TRPV3: variants seen among roughly 807,000 people sequenced by gnomAD.
TRPV3 encodes transient receptor potential cation channel subfamily V member 3.
A neutral mutation model predicts 87.1 loss-of-function variants in TRPV3; 88 were observed. The ratio of observed to expected loss-of-function variants is 1.01; its 90% CI spans 0.85 to 1.21. The LOEUF (loss-of-function observed/expected upper bound fraction) is 1.21. Ranked by LOEUF, TRPV3 falls within the 50% of genes most tolerant of loss-of-function variation. The pLI is 0.00. For synonymous variants in TRPV3, 438 were observed against 423.3 expected (o/e 1.03, Z -0.43); for missense variants, 1,054 against 1,030.1 (o/e 1.02, Z -0.32).
At chr17:3,522,770 T>C (rs2074259367) in intron 13 of TRPV3, among the ~76,000 whole-genome samples, 2 of 150,496 alleles carry the variant, frequency 1.3e-5, no homozygotes, top group Admixed American at 6.6e-5. Context: ...TGAGCCGAGA[T>C]TGCACTATTG....
chr17:3,556,307 G>A lies in TRPV3; in HGVS notation c.-3+1369C>T, dbSNP rs71360947. 6.6e-6 allele frequency among the ~76,000 whole-genome samples: 1 copy of A among 152,058 alleles called. No individual in the cohort carries two copies. The highest frequency in any genetic ancestry group is 2.4e-5 in the African/African-American group (1 of 41,394). On this transcript the variant is annotated intron_variant, in intron 1 of 17. Transcript: ENST00000576742. The surrounding 1 kb of genome is among the most constrained non-coding windows in gnomAD (Gnocchi z 4.2). Reference sequence around the variant, plus strand: ...ACATAGGAGAGCGCGGGCTGCGTTGGGGGGTGGGGGAGACCAGAAGCCAGG... The same window carrying A: ...ACATAGGAGAGCGCGGGCTGCGTTGAGGGGTGGGGGAGACCAGAAGCCAGG...
chr17:3,555,396 A>G (rs2074617739), intron 1 of TRPV3, among the ~76,000 whole-genome samples: 1 of 152,182 alleles, frequency 6.6e-6, no homozygotes, highest in African/African-American at 2.4e-5. Context: ...CTAGTAACAC[A>G]GCCTTAAGCT....
rs1332543717 is a variant in TRPV3 at position 3,532,773 on chromosome 17, C to T, written c.949G>A (p.Val317Met). ...AEDFKTQNDF[V>M]KRMYDMILLR... ...AGGATCATGTCGTACATGCGCTTCA[C>T]AAAGTCATTCTGCGTCTTGAAGTCC... The change falls in exon 8 of 18, where the codon GTG becomes ATG. Residue 317 changes from valine to methionine, a missense_variant. Coordinates refer to ENST00000576742, the MANE Select transcript of TRPV3 (RefSeq NM_145068.4). 1.2e-6 allele frequency: 2 copies of T among 1,614,280 alleles called. No individual in the cohort carries two copies. The highest frequency in any genetic ancestry group is 1.7e-6 in the Non-Finnish European group (2 of 1,180,048).
intron 13 of TRPV3, among the ~76,000 whole-genome samples, chr17:3,522,441 T>G (rs1390934599): frequency 1.3e-5 from 2 of 152,330 alleles, no homozygotes; most frequent in African/African-American, 4.8e-5. Flanking sequence ...TATTACAGTA[T>G]ATTGTTATCA....
chr17:3,514,510 G>A, intron 17 of TRPV3, 83 bp downstream of exon 17: 1 of 980,080 alleles, frequency 1.0e-6, no homozygotes, highest in Non-Finnish European at 1.6e-6. Flanking sequence ...GATGGGGAAA[G>A]TCAGGACCCT....
At chr17:3,535,074 C>T (rs1037153843) in intron 7 of TRPV3, among the ~76,000 whole-genome samples, 2 of 151,994 alleles carry the variant, frequency 1.3e-5, no homozygotes, top group Admixed American at 6.5e-5. Flanking sequence ...CCCTCTGGGG[C>T]ACCAGAGCTT....
chr17:3,524,112 C>G (rs927010150), intron 13 of TRPV3, 86 bp downstream of exon 13: 1 of 1,538,764 alleles, frequency 6.5e-7, no homozygotes, highest in Non-Finnish European at 8.8e-7. Flanking sequence ...CTTGGTAAAC[C>G]CCTCTTCCTC....
intron 2 of TRPV3, among the ~76,000 whole-genome samples, chr17:3,549,204 C>T (rs1461133334): frequency 6.6e-6 from 1 of 152,186 alleles, no homozygotes; most frequent in Non-Finnish European, 1.5e-5. Context: ...CCCTGCTCCC[C>T]ATCCCGCCCT....
chr17:3,529,850 C>A (rs1157526712), intron 9 of TRPV3, among the ~76,000 whole-genome samples, 177 bp downstream of exon 9: 1 of 150,100 alleles, frequency 6.7e-6, no homozygotes, highest in Non-Finnish European at 1.5e-5. Flanking sequence ...GGCCCAGCAT[C>A]TGTCCCAGGC....
At chr17:3,544,501 G>T (rs1267516557) in intron 4 of TRPV3, 78 bp downstream of exon 4, 5 of 875,724 alleles carry the variant, frequency 5.7e-6, no homozygotes, top group Admixed American at 2.7e-5. Flanking sequence ...TCTCCTTCCT[G>T]CAGGGCCCCG....
rs1055371395 is a variant in TRPV3, at chr17:3,530,302, C to T, written c.1066-99G>A. 1.6e-4 allele frequency: 196 copies of T among 1,228,806 alleles called. No individual in the cohort carries two copies. Among genetic ancestry groups the T allele is most frequent in the African/African-American group, 2.0e-4 (13 of 65,612 alleles). 76.1% of individuals were successfully genotyped at this position (1,228,806 alleles called of 1,614,324 possible). ...GCTGGCTGGGCCCAGGGGATACACCCGCCCAGAATGGGTGGAGACCTGCCT... is the reference window on the plus strand; with the variant it reads ...GCTGGCTGGGCCCAGGGGATACACCTGCCCAGAATGGGTGGAGACCTGCCT... On this transcript the variant is annotated intron_variant, in intron 8 of 17. Coordinates refer to ENST00000576742, the MANE Select transcript of TRPV3 (RefSeq NM_145068.4). This position sits in a 1 kb window ranked among gnomAD's most constrained non-coding sequence, Gnocchi z 4.0.
At chr17:3,539,172 C>T (rs138560045) in intron 6 of TRPV3, among the ~76,000 whole-genome samples, 2 of 151,932 alleles carry the variant, frequency 1.3e-5, no homozygotes, top group East Asian at 1.9e-4. Flanking sequence ...AAAAAACCAA[C>T]TTGTAGAATA....
At position 3,512,914 on chromosome 17, in the gene TRPV3, T is replaced by A. The variant is rs1331369699; in HGVS notation, c.*1003A>T. 1.3e-5 allele frequency: 2 copies of A among 152,244 alleles called. No individual in the cohort carries two copies. The highest frequency in any genetic ancestry group is 2.9e-5 in the Non-Finnish European group (2 of 68,010). The allele number at this position is 152,244 out of a possible 1,614,324, so 9.4% of individuals were successfully genotyped here. The stretch of plus-strand genomic sequence containing the variant: ...TGCGACTAACTGCTGAGTTCCAAGA[T>A]GATATCGATCGAGCAGCTGCTATTT... On this transcript the variant is annotated 3_prime_UTR_variant, in exon 18 of 18. Transcript: ENST00000576742.
intron 6 of TRPV3, among the ~76,000 whole-genome samples, chr17:3,538,111 T>C (rs995338739): frequency 6.7e-6 from 1 of 149,886 alleles, no homozygotes; most frequent in Non-Finnish European, 1.5e-5. Flanking sequence ...GGCAGGAGAA[T>C]GGTGTGAACC....
Position 3,533,015 on chromosome 17 carries a change from A to C in TRPV3, c.785-78T>G, listed in dbSNP as rs537180038. On this transcript the variant is annotated intron_variant, in intron 7 of 17. Coordinates refer to ENST00000576742, the MANE Select transcript of TRPV3 (RefSeq NM_145068.4). ...CCCCCAAGCCCCAGGACTGGGGCCC[A>C]TATCCTATCTCAGCAGGATGGGCAC... The C allele has an allele frequency of 5.7e-4, 876 of 1,528,774 alleles. 8 individuals are homozygous for C. The highest frequency in any genetic ancestry group is 5.5e-3 in the South Asian group (461 of 84,392). The allele number at this position is 1,528,774 out of a possible 1,614,324, so 94.7% of individuals were successfully genotyped here. A position where few individuals can be genotyped will look rare whatever the true frequency, so the allele number is the denominator to read the frequency against.
Position 3,542,530 on chromosome 17 carries a change from GCCT to G in TRPV3, c.632_634del (p.Glu211del). Reference sequence around the variant, plus strand: ...CTCTGCAGGCAGGATACCTTCATAGGCCTCCTCTGTGTACTCGGCGTTGATGAA... The same window carrying G: ...CTCTGCAGGCAGGATACCTTCATAGGCCTCTGTGTACTCGGCGTTGATGAA... On this transcript the variant is annotated inframe_deletion, in exon 6 of 18. Transcript: ENST00000576742. 6.2e-7 allele frequency: 1 copy of G among 1,613,618 alleles called. No homozygotes were observed. The highest frequency in any genetic ancestry group is 8.5e-7 in the Non-Finnish European group (1 of 1,179,716).
Position 3,542,526 on chromosome 17 carries a change from A to T in TRPV3, c.639T>A (p.Tyr213Ter). ...GCCCCTCTGCAGGCAGGATACCTTCATAGGCCTCCTCTGTGTACTCGGCGT... is the reference window on the plus strand; with the variant it reads ...GCCCCTCTGCAGGCAGGATACCTTCTTAGGCCTCCTCTGTGTACTCGGCGT... ...FINAEYTEEA[Y>*]EGQTALNIAI... The change falls in exon 6 of 18, where the codon TAT becomes TAA. Residue 213 changes from tyrosine (Y) to a stop codon, truncating the protein, a stop_gained. Transcript: ENST00000576742. LOFTEE classifies it high-confidence loss of function. 6.2e-7 allele frequency: 1 copy of T among 1,613,382 alleles called. No homozygotes were observed. The highest frequency in any genetic ancestry group is 8.5e-7 in the Non-Finnish European group (1 of 1,179,590).
chr17:3,542,459 C>T (rs1427103067), intron 6 of TRPV3, 63 bp downstream of exon 6: 63 of 1,560,430 alleles, frequency 4.0e-5, no homozygotes, highest in Non-Finnish European at 1.7e-6. Flanking sequence ...AGCAGTGGCC[C>T]TGTGGCCCCA....
In TRPV3 at chr17:3,533,655, C is replaced by T. The variant is rs550701016; in HGVS notation, c.785-718G>A. The stretch of plus-strand genomic sequence containing the variant: ...CTGGGACTACAGGCGCCCGCCACCA[C>T]GCCCGGCTAATTTTTGTATTTTTAG... On this transcript the variant is annotated intron_variant, in intron 7 of 17. Transcript: ENST00000576742. 1.4e-3 allele frequency among the ~76,000 whole-genome samples: 213 copies of T among 152,114 alleles called. 2 individuals are homozygous for T. The highest frequency in any genetic ancestry group is 4.5e-3 in the African/African-American group (187 of 41,502).
Sources: gnomAD v4.1 joint callset for allele counts (sites outside exome capture counted in the v4.1 genomes callset) on GRCh38, gnomAD v4.1.1 for gene constraint, Gnocchi (gnomAD v3.1) non-coding constraint, MANE v1.5 for transcripts, NCBI Gene and HGNC (gene_info 2026-07-23, HGNC 2026-07-21) for gene names.